GRIP1: variants seen among roughly 807,000 people sequenced by gnomAD.
The protein encoded by GRIP1 is glutamate receptor interacting protein 1, also known as glutamate receptor-interacting protein 1.
In GRIP1, 45 loss-of-function variants were observed where a neutral mutation model predicts 129.9. The ratio of observed to expected loss-of-function variants is 0.35; its 90% CI spans 0.27 to 0.44. The LOEUF (loss-of-function observed/expected upper bound fraction) is 0.44. GRIP1 is among the 20% of genes least tolerant of loss of function. GRIP1 has a pLI of 1.00. For missense variants in GRIP1, 1,196 were observed against 1,396.8 expected, an observed-to-expected ratio of 0.86 and a Z score of 2.29; for synonymous variants, 530 against 520.8, an observed-to-expected ratio of 1.02 and a Z score of -0.24.
At chr12:67,052,020 C>T (rs2043354319) in intron 1 of GRIP1, among the ~76,000 whole-genome samples, 1 of 152,156 alleles carries the variant, frequency 6.6e-6, no homozygotes, top group South Asian at 2.1e-4. Flanking sequence ...GGCTGAACCA[C>T]ATATCAGTAA....
In GRIP1 at chr12:66,444,698, T is replaced by C; in HGVS notation, c.1573A>G (p.Met525Val). ...CGVLQIGDRV[M>V]AINGIPTEDS... Reference sequence around the variant, plus strand: ...TCTGTTGGAATTCCATTGATGGCCATCACTCTGTCTCCAATCTGTAGCACC... The same window carrying C: ...TCTGTTGGAATTCCATTGATGGCCACCACTCTGTCTCCAATCTGTAGCACC... The change falls in exon 13 of 25, where the codon ATG (methionine) becomes GTG (valine). Residue 525 changes from methionine to valine, a missense_variant. Physicochemically the swap from Met to Val is conservative, Grantham distance 21. Transcript: ENST00000359742. 1 of 1,614,034 alleles carries C rather than the reference T, an allele frequency of 6.2e-7. No individual in the cohort carries two copies. Among genetic ancestry groups the C allele is most frequent in the South Asian group, 1.1e-5 (1 of 91,078 alleles).
At chr12:67,069,108 G>A (rs1161056676) in exon 1 of GRIP1, 2 of 984,952 alleles carry the variant, frequency 2.0e-6, no homozygotes, top group Non-Finnish European at 2.4e-6. Context: ...AGCCGGGCAT[G>A]GTGTCGCTCC....
chr12:66,579,367 A>T lies in GRIP1; in HGVS notation c.136+17480T>A, dbSNP rs541096878. Among the ~76,000 whole-genome samples, 4 of 152,348 alleles carry T rather than the reference A, an allele frequency of 2.6e-5. No homozygotes were observed. In the South Asian group the frequency reaches 8.3e-4, roughly 32 times the overall value. The stretch of plus-strand genomic sequence containing the variant: ...AAGCAAAGCACCTCTCCTCCTCCAA[A>T]GGATCGCAGTTCCTCACCAGCAATG... On this transcript the variant is annotated intron_variant, in intron 2 of 24. Transcript: ENST00000359742.
At chr12:66,488,992 C>CA (rs1326409344) in intron 7 of GRIP1, among the ~76,000 whole-genome samples, 1 of 151,978 alleles carries the variant, frequency 6.6e-6, no homozygotes, top group Non-Finnish European at 1.5e-5. Context: ...GCCTACCAAC[C>CA]AAAAAATATC....
At chr12:66,544,419 A>C (rs1327335452) in intron 2 of GRIP1, among the ~76,000 whole-genome samples, 1 of 152,240 alleles carries the variant, frequency 6.6e-6, no homozygotes, top group Non-Finnish European at 1.5e-5. Context: ...GCAACGTCAC[A>C]GACCACTGTA....
intron 2 of GRIP1, among the ~76,000 whole-genome samples, chr12:66,548,043 A>G (rs1330276332): frequency 6.6e-6 from 1 of 152,206 alleles, no homozygotes; most frequent in East Asian, 1.9e-4. Context: ...ATTGGTCTGG[A>G]GTACGCCTAG....
At chr12:66,946,782 G>A in intron 1 of GRIP1, among the ~76,000 whole-genome samples, 2 of 103,652 alleles carry the variant, frequency 1.9e-5, no homozygotes, top group African/African-American at 3.8e-5. Context: ...GTGGGGTGGG[G>A]GATGGGGGGG....
chr12:66,507,498 A>T (rs2060566430), intron 7 of GRIP1, among the ~76,000 whole-genome samples: 1 of 152,010 alleles, frequency 6.6e-6, no homozygotes, highest in Non-Finnish European at 1.5e-5. Context: ...TACTCTTGCG[A>T]CTGGTAGAAG....
intron 1 of GRIP1, among the ~76,000 whole-genome samples, chr12:66,899,085 G>C (rs1272947233): frequency 6.6e-6 from 1 of 152,082 alleles, no homozygotes; most frequent in African/African-American, 2.4e-5. Flanking sequence ...ATTTCTGCCT[G>C]GGTAACTCAC....
chr12:66,648,865 A>G (rs1321413340), intron 1 of GRIP1, among the ~76,000 whole-genome samples: 1 of 152,226 alleles, frequency 6.6e-6, no homozygotes, highest in African/African-American at 2.4e-5. Context: ...AGGAAAGTTG[A>G]CAAATATTTC....
intron 1 of GRIP1, among the ~76,000 whole-genome samples, chr12:66,923,477 T>C (rs927118485): frequency 1.3e-5 from 2 of 152,130 alleles, no homozygotes; most frequent in Non-Finnish European, 2.9e-5. Context: ...CACCATCACC[T>C]CACCCTCCTA....
intron 1 of GRIP1, among the ~76,000 whole-genome samples, chr12:67,038,134 T>G (rs1238607929): frequency 6.6e-6 from 1 of 152,196 alleles, no homozygotes; most frequent in Non-Finnish European, 1.5e-5. Flanking sequence ...CAATGACTTT[T>G]AAAGCTTCCT....
intron 4 of GRIP1, among the ~76,000 whole-genome samples, chr12:66,535,506 T>C (rs974417192): frequency 5.9e-5 from 9 of 152,218 alleles, no homozygotes; most frequent in Non-Finnish European, 1.0e-4. Flanking sequence ...ATCCTGCAAC[T>C]ACTATAGCTA....
At chr12:66,557,710 G>A (rs1310842044) in intron 2 of GRIP1, among the ~76,000 whole-genome samples, 1 of 152,134 alleles carries the variant, frequency 6.6e-6, no homozygotes, top group Non-Finnish European at 1.5e-5. Flanking sequence ...GTATGCTCCT[G>A]AATGACCAAT....
At chr12:66,944,028 G>A (rs1280087122) in intron 1 of GRIP1, among the ~76,000 whole-genome samples, 1 of 152,030 alleles carries the variant, frequency 6.6e-6, no homozygotes, top group African/African-American at 2.4e-5. Context: ...TAACTGCCAG[G>A]GTTTGCAAAG....
chr12:66,694,625 G>C lies in GRIP1; in HGVS notation c.-419-64289C>G, dbSNP rs148153225. Among the ~76,000 whole-genome samples, 258 of 152,244 alleles carry C rather than the reference G, an allele frequency of 1.7e-3. 2 individuals are homozygous for C. Among genetic ancestry groups the C allele is most frequent in the Non-Finnish European group, 1.5e-4 (10 of 68,012 alleles). On this transcript the variant is annotated intron_variant, in intron 1 of 4. Coordinates refer to the GRIP1 transcript ENST00000538373. The stretch of plus-strand genomic sequence containing the variant: ...AGGATTATGTTACATTATTAGTAAA[G>C]TATTTAGCATAGTGCGTGATAAACA...
chr12:66,926,448 G>A (rs1317154597), intron 1 of GRIP1, among the ~76,000 whole-genome samples: 1 of 152,168 alleles, frequency 6.6e-6, no homozygotes. Flanking sequence ...CCTGCTGGAA[G>A]TACTGCAGTG....
intron 1 of GRIP1, among the ~76,000 whole-genome samples, chr12:66,774,197 C>T (rs2037908891): frequency 6.6e-6 from 1 of 152,128 alleles, no homozygotes; most frequent in Non-Finnish European, 1.5e-5. Flanking sequence ...ATCTTCCTGC[C>T]TCTAATTTGC....
At chr12:66,950,996 A>G (rs1351411821) in intron 1 of GRIP1, among the ~76,000 whole-genome samples, 1 of 152,224 alleles carries the variant, frequency 6.6e-6, no homozygotes, top group Admixed American at 6.5e-5. Flanking sequence ...TCATTTAGTC[A>G]TGTGACCTTT....
Sources: gnomAD v4.1 joint callset for allele counts (sites outside exome capture counted in the v4.1 genomes callset) on GRCh38, gnomAD v4.1.1 for gene constraint, MANE v1.5 for transcripts, NCBI Gene and HGNC (gene_info 2026-07-23, HGNC 2026-07-21) for gene names.